ATRNL1: variants seen among roughly 807,000 people sequenced by gnomAD.
The protein encoded by ATRNL1 is attractin-like protein 1.
ATRNL1 carries 95 observed loss-of-function variants against 182.7 expected under a neutral mutation model. That is an observed-to-expected ratio of 0.52 (90% CI 0.44 to 0.62). The LOEUF is 0.62. Among genes scored for constraint, ATRNL1 ranks in the 20% least tolerant of loss-of-function variants. The pLI, the probability that ATRNL1 is intolerant of heterozygous loss-of-function variation, is 0.00. For missense variants in ATRNL1, 1,471 were observed against 1,679.5 expected (o/e 0.88, Z 2.17); for synonymous variants, 576 against 568.3 (o/e 1.01, Z -0.19).
intron 28 of ATRNL1, among the ~76,000 whole-genome samples, chr10:115,885,711 C>A (rs1326902140): frequency 1.3e-5 from 2 of 152,154 alleles, no homozygotes; most frequent in Admixed American, 1.3e-4. Context: ...ATGTATACTT[C>A]TTGCGACCTG....
rs1438382917 is a variant in ATRNL1 at position 115,307,947 on chromosome 10, C to A, written c.2818+5904C>A. ...ATTTACATTATCGTTTTCTACTACA[C>A]GTCTATTCATTTAACATTTGAGTCT... On this transcript the variant is annotated intron_variant, in intron 17 of 28. Transcript: ENST00000355044. Among the ~76,000 whole-genome samples the A allele has an allele frequency of 3.3e-5, 5 of 152,012 alleles. No individual in the cohort carries two copies. In the South Asian group the frequency reaches 1.0e-3, roughly 32 times the overall value.
intron 8 of ATRNL1, among the ~76,000 whole-genome samples, chr10:115,180,862 T>G (rs1847721941): frequency 6.6e-6 from 1 of 151,970 alleles, no homozygotes; most frequent in Non-Finnish European, 1.5e-5. Flanking sequence ...TTGCAGATGT[T>G]TTTTGGTAAG....
At chr10:115,454,026 T>C (rs1347837623) in intron 21 of ATRNL1, among the ~76,000 whole-genome samples, 1 of 152,038 alleles carries the variant, frequency 6.6e-6, no homozygotes, top group African/African-American at 2.4e-5. Context: ...CTTATAAGAG[T>C]TTGATGGTTT....
chr10:115,351,567 T>C (rs1385444943), intron 19 of ATRNL1, among the ~76,000 whole-genome samples: 3 of 152,212 alleles, frequency 2.0e-5, no homozygotes, highest in Non-Finnish European at 4.4e-5. Flanking sequence ...AAATGCGCTA[T>C]GATGTATCAC....
chr10:115,562,865 G>A (rs1853839431), intron 26 of ATRNL1, among the ~76,000 whole-genome samples: 2 of 152,164 alleles, frequency 1.3e-5, no homozygotes, highest in Non-Finnish European at 2.9e-5. Flanking sequence ...ACCAGTGTGA[G>A]AATGGGCTAA....
intron 15 of ATRNL1, among the ~76,000 whole-genome samples, chr10:115,298,238 C>A (rs1263545954): frequency 6.6e-6 from 1 of 152,018 alleles, no homozygotes; most frequent in African/African-American, 2.4e-5. Context: ...TATCTTGGGT[C>A]AAATGATCAT....
intron 27 of ATRNL1, among the ~76,000 whole-genome samples, chr10:115,821,057 G>C (rs115281652): frequency 6.6e-6 from 1 of 151,982 alleles, no homozygotes; most frequent in Admixed American, 6.6e-5. Context: ...ACATGCCTTT[G>C]CCTCTCTCTC....
At chr10:115,570,574 A>G (rs1272709604) in intron 26 of ATRNL1, among the ~76,000 whole-genome samples, 1 of 152,092 alleles carries the variant, frequency 6.6e-6, no homozygotes, top group African/African-American at 2.4e-5. Flanking sequence ...TGTGTATACT[A>G]TTAGCTTGGT....
At chr10:115,931,795 G>C (rs1953403623) in intron 28 of ATRNL1, among the ~76,000 whole-genome samples, 1 of 152,142 alleles carries the variant, frequency 6.6e-6, no homozygotes, top group South Asian at 2.1e-4. Flanking sequence ...TTGCCATCCT[G>C]TGAGGAACCT....
rs71010006 is a variant in ATRNL1, at chr10:115,098,453, CTTT to C, written c.293+4434_293+4436del. Among the ~76,000 whole-genome samples, 35 of 80,736 alleles carry C rather than the reference CTTT, an allele frequency of 4.3e-4. No individual in the cohort carries two copies. The South Asian group carries it at 0.014, about 33-fold the overall frequency. The allele number at this position is 80,736 out of a possible 152,430, so 53.0% of individuals were successfully genotyped here. A position where few individuals can be genotyped will look rare whatever the true frequency, so the allele number is the denominator to read the frequency against. On this transcript the variant is annotated intron_variant, in intron 1 of 28. Transcript: ENST00000355044. Reference sequence around the variant, plus strand: ...CTAATCTTAGCTTAAATACTAGTTTCTTTTTTTTTTTTTTTTTTTTTTTTTTGA... The same window carrying C: ...CTAATCTTAGCTTAAATACTAGTTTCTTTTTTTTTTTTTTTTTTTTTTTGA...
At chr10:115,289,210 G>C (rs1447890168) in intron 15 of ATRNL1, among the ~76,000 whole-genome samples, 2 of 152,096 alleles carry the variant, frequency 1.3e-5, no homozygotes, top group African/African-American at 4.8e-5. Flanking sequence ...CATGAGAACA[G>C]CACAGGAAAG....
intron 12 of ATRNL1, 64 bp downstream of exon 12, chr10:115,267,069 T>A: frequency 8.9e-7 from 1 of 1,118,296 alleles, no homozygotes; most frequent in Non-Finnish European, 1.3e-6. Flanking sequence ...AGTAGAAATA[T>A]CTTCTGCTTA....
At chr10:115,335,298 T>G (rs1855427501) in intron 19 of ATRNL1, among the ~76,000 whole-genome samples, 1 of 152,170 alleles carries the variant, frequency 6.6e-6, no homozygotes, top group South Asian at 2.1e-4. Context: ...AGAAATACGT[T>G]TTTGGCTGTG....
intron 26 of ATRNL1, among the ~76,000 whole-genome samples, chr10:115,670,694 G>C (rs1945670401): frequency 6.6e-6 from 1 of 152,058 alleles, no homozygotes; most frequent in Non-Finnish European, 1.5e-5. Flanking sequence ...ACATTGATTA[G>C]AGACTAAGAC....
At chr10:115,286,433 C>T in intron 15 of ATRNL1, 36 bp downstream of exon 15, 1 of 1,278,108 alleles carries the variant, frequency 7.8e-7, no homozygotes, top group Non-Finnish European at 1.1e-6. Context: ...TGGAAATATG[C>T]TATGATAATT....
At chr10:115,467,105 C>A in intron 22 of ATRNL1, 69 bp from the exon 23 acceptor site, 1 of 832,940 alleles carries the variant, frequency 1.2e-6, no homozygotes, top group South Asian at 1.5e-5. Context: ...ATAATTAAAT[C>A]AGTAGACTAA....
At position 115,309,882 on chromosome 10, in the gene ATRNL1, A is replaced by T. The variant is rs922289945; in HGVS notation, c.2819-5636A>T. On this transcript the variant is annotated intron_variant, in intron 17 of 28. Coordinates refer to ENST00000355044, the MANE Select transcript of ATRNL1 (RefSeq NM_207303.4). ...GATTGATCTGGGTAGGATTTCCAGT[A>T]CTATATTAAATAGAAGTGACGAAAG... Among the ~76,000 whole-genome samples, 4 of 152,172 alleles carry T rather than the reference A, an allele frequency of 2.6e-5. No individual in the cohort carries two copies. In the Middle Eastern group the frequency reaches 0.01, roughly 388 times the overall value.
intron 27 of ATRNL1, among the ~76,000 whole-genome samples, chr10:115,804,659 G>A (rs191933468): frequency 1.1e-3 from 173 of 152,188 alleles, no homozygotes; most frequent in African/African-American, 4.0e-3. Context: ...CTGAACTGAC[G>A]GAGACACATG....
chr10:115,690,150 C>G (rs1946344062), intron 26 of ATRNL1, among the ~76,000 whole-genome samples: 1 of 152,088 alleles, frequency 6.6e-6, no homozygotes, highest in Non-Finnish European at 1.5e-5. Context: ...GCTTTGTTTC[C>G]TTTGTCCCAC....
Sources: allele counts gnomAD v4.1 joint callset (sites outside exome capture counted in the v4.1 genomes callset), GRCh38; gene constraint gnomAD v4.1.1; transcripts MANE v1.5; gene names NCBI Gene and HGNC (gene_info 2026-07-23, HGNC 2026-07-21).